Variants in KDM4C observed in about 807,000 individuals in gnomAD.
The protein encoded by KDM4C is lysine-specific demethylase 4C.
Under a neutral mutation model 129.3 loss-of-function variants are expected in KDM4C, and 81 were observed. The observed-to-expected ratio is 0.63, with a 90% CI of 0.52 to 0.75. The LOEUF is 0.75. Among genes scored for constraint, KDM4C ranks in the 30% least tolerant of loss-of-function variants. The probability of loss-of-function intolerance (pLI) is 0.00; values close to 1 mark genes in which losing one functional copy is unlikely to be tolerated. For missense variants in KDM4C, 1,457 were observed against 1,304.0 expected (o/e 1.12, Z -1.81); for synonymous variants, 573 against 456.1 (o/e 1.26, Z -3.26).
chr9:6,816,507 A>G (rs370542393), intron 4 of KDM4C, among the ~76,000 whole-genome samples: 1 of 152,188 alleles, frequency 6.6e-6, no homozygotes, highest in African/African-American at 2.4e-5. Context: ...TGAATTTTAT[A>G]TAACTAGAAT....
At position 6,984,183 on chromosome 9, in the gene KDM4C, C is replaced by T. The variant is rs758606875; in HGVS notation, c.1133C>T (p.Ser378Phe). ...KASRSFQCAR[S>F]TSKRPKADEE... ...GTTGACAGCTTCCAGTGTGCTAGGTCTACCTCTAAAAGGCCTAAGGCTGAT... is the reference window on the plus strand; with the variant it reads ...GTTGACAGCTTCCAGTGTGCTAGGTTTACCTCTAAAAGGCCTAAGGCTGAT... The change falls in exon 10 of 22, where the codon TCT becomes TTT. Residue 378 changes from serine to phenylalanine, a missense_variant. Ser to Phe is a radical substitution (Grantham distance 155, BLOSUM62 -2). Coordinates refer to ENST00000381309, the MANE Select transcript of KDM4C (RefSeq NM_015061.6). The T allele has an allele frequency of 5.0e-6, 8 of 1,613,406 alleles. No individual in the cohort carries two copies. The East Asian group carries it at 1.8e-4, about 36-fold the overall frequency.
chr9:6,721,700 T>C (rs1440273803), intron 1 of KDM4C, among the ~76,000 whole-genome samples: 3 of 151,738 alleles, frequency 2.0e-5, no homozygotes, highest in Non-Finnish European at 2.9e-5. Context: ...GCAATTCTCC[T>C]GCCTCAGCCT....
intron 17 of KDM4C, among the ~76,000 whole-genome samples, chr9:7,090,733 T>C (rs1835695507): frequency 6.6e-6 from 1 of 152,240 alleles, no homozygotes; most frequent in Non-Finnish European, 1.5e-5. Flanking sequence ...TGTCTCCTCC[T>C]TCCCTCAGCA....
At chr9:6,877,007 A>C (rs1843669366) in intron 5 of KDM4C, among the ~76,000 whole-genome samples, 1 of 152,166 alleles carries the variant, frequency 6.6e-6, no homozygotes, top group Admixed American at 6.5e-5. Flanking sequence ...TCTTTCGTTC[A>C]TTCATTATAA....
At chr9:7,044,162 G>C (rs1042873497) in intron 15 of KDM4C, among the ~76,000 whole-genome samples, 1 of 152,024 alleles carries the variant, frequency 6.6e-6, no homozygotes, top group African/African-American at 2.4e-5. Flanking sequence ...GCCTGAGATA[G>C]AAGTACCTGA....
chr9:6,998,871 G>C (rs1820253195), intron 12 of KDM4C, among the ~76,000 whole-genome samples: 1 of 152,022 alleles, frequency 6.6e-6, no homozygotes, highest in African/African-American at 2.4e-5. Flanking sequence ...GAATACTAAA[G>C]TGGTCCTATG....
At chr9:6,897,957 G>A (rs1816722493) in intron 8 of KDM4C, among the ~76,000 whole-genome samples, 1 of 152,166 alleles carries the variant, frequency 6.6e-6, no homozygotes, top group Admixed American at 6.5e-5. Flanking sequence ...TTCCTTCTGT[G>A]GTGGAATGAA....
intron 4 of KDM4C, among the ~76,000 whole-genome samples, chr9:6,832,109 C>T (rs554941816): frequency 1.0e-3 from 152 of 152,052 alleles, no homozygotes; most frequent in Middle Eastern, 3.4e-3. Context: ...GAGTCTGAGG[C>T]GGGTGGATCA....
At chr9:6,817,761 A>AG (rs1172763525) in intron 4 of KDM4C, among the ~76,000 whole-genome samples, 1 of 130,428 alleles carries the variant, frequency 7.7e-6, no homozygotes, top group Non-Finnish European at 1.6e-5. Context: ...AACAGGAATA[A>AG]CCTTTTTTTT....
At chr9:7,071,332 G>C (rs1027864228) in intron 17 of KDM4C, among the ~76,000 whole-genome samples, 2 of 152,230 alleles carry the variant, frequency 1.3e-5, no homozygotes, top group South Asian at 4.2e-4. Context: ...GAAAGGGAAA[G>C]CCAAAATAAT....
At chr9:6,857,281 CAAACAA>C (rs1420925576) in intron 5 of KDM4C, among the ~76,000 whole-genome samples, 1 of 152,114 alleles carries the variant, frequency 6.6e-6, no homozygotes. Context: ...AAAAACAAAA[CAAACAA>C]AAACAAACCC....
intron 19 of KDM4C, among the ~76,000 whole-genome samples, chr9:7,136,732 A>T (rs1300594253): frequency 6.6e-6 from 1 of 152,176 alleles, no homozygotes; most frequent in Non-Finnish European, 1.5e-5. Flanking sequence ...ATCCTTTATC[A>T]GATCTTTGAT....
intron 17 of KDM4C, among the ~76,000 whole-genome samples, chr9:7,066,030 A>G (rs924082722): frequency 1.2e-4 from 19 of 152,084 alleles, no homozygotes; most frequent in Non-Finnish European, 2.8e-4. Context: ...AGATCCGCAT[A>G]AAAATATTTC....
chr9:7,034,918 G>A (rs1480826899), intron 15 of KDM4C, among the ~76,000 whole-genome samples: 1 of 152,102 alleles, frequency 6.6e-6, no homozygotes, highest in African/African-American at 2.4e-5. Flanking sequence ...ACATTTCCCT[G>A]GTGATGTTTA....
intron 18 of KDM4C, among the ~76,000 whole-genome samples, chr9:7,125,768 AATTTTGGTCCCTTGGGG>A (rs1213788511): frequency 6.6e-6 from 1 of 152,166 alleles, no homozygotes; most frequent in Non-Finnish European, 1.5e-5. Context: ...ATGTCAGGCT[AATTTTGGTCCCTTGGGG>A]ATTATGAAGG....
intron 15 of KDM4C, 62 bp downstream of exon 15, chr9:7,015,991 T>G: frequency 8.3e-7 from 1 of 1,198,150 alleles, no homozygotes; most frequent in Non-Finnish European, 1.2e-6. Flanking sequence ...GTGGACACAT[T>G]TAAGTCTAGG....
At chr9:6,826,091 C>T (rs1424752606) in intron 4 of KDM4C, among the ~76,000 whole-genome samples, 2 of 152,038 alleles carry the variant, frequency 1.3e-5, no homozygotes, top group Non-Finnish European at 2.9e-5. Context: ...GGATTACTGG[C>T]ATGAGCTACT....
intron 8 of KDM4C, among the ~76,000 whole-genome samples, chr9:6,920,416 A>T (rs954195178): frequency 6.6e-6 from 1 of 152,208 alleles, no homozygotes; most frequent in Non-Finnish European, 1.5e-5. Context: ...CAAAAAAATT[A>T]GCTGGGCTTG....
At chr9:6,801,530 C>G (rs903431568) in intron 2 of KDM4C, among the ~76,000 whole-genome samples, 3 of 151,234 alleles carry the variant, frequency 2.0e-5, no homozygotes, top group Non-Finnish European at 4.4e-5. Context: ...AGCTACCGTG[C>G]CCAGCCTGAC....
Sources: allele counts gnomAD v4.1 joint callset (sites outside exome capture counted in the v4.1 genomes callset), GRCh38; gene constraint gnomAD v4.1.1; transcripts MANE v1.5; gene names NCBI Gene and HGNC (gene_info 2026-07-23, HGNC 2026-07-21).